Variants in ERC2 observed in about 807,000 individuals in gnomAD.
The protein encoded by ERC2 is ERC protein 2.
ERC2 carries 42 observed loss-of-function variants against 114.8 expected under a neutral mutation model. The observed-to-expected ratio is 0.37, with a 90% CI of 0.29 to 0.47. ERC2 has a LOEUF of 0.47. ERC2 is among the 20% of genes least tolerant of loss of function. The pLI is 0.99. For missense variants in ERC2, 939 were observed against 1,150.7 expected, an observed-to-expected ratio of 0.82 and a Z score of 2.66; for synonymous variants, 454 against 425.5, an observed-to-expected ratio of 1.07 and a Z score of -0.82.
chr3:55,908,218 G>A (rs1406369358), intron 13 of ERC2, among the ~76,000 whole-genome samples: 9 of 152,160 alleles, frequency 5.9e-5, no homozygotes, highest in African/African-American at 1.9e-4. Flanking sequence ...GAATTTTCCT[G>A]AAAAAAATCT....
At chr3:56,390,107 G>GA (rs35209674) in intron 2 of ERC2, among the ~76,000 whole-genome samples, 14 of 150,888 alleles carry the variant, frequency 9.3e-5, no homozygotes, top group South Asian at 4.2e-4. Context: ...TTCTTACAAT[G>GA]AAAAAAAAAT....
intron 14 of ERC2, among the ~76,000 whole-genome samples, chr3:55,773,988 A>G (rs953339804): frequency 1.3e-5 from 2 of 152,144 alleles, no homozygotes; most frequent in East Asian, 1.9e-4. Context: ...CTGATGCCCA[A>G]AGTATTCTAA....
chr3:55,659,289 G>C (rs531887524), intron 17 of ERC2: 1 of 152,174 alleles, frequency 6.6e-6, no homozygotes. Context: ...TTATAAGCCC[G>C]TGTTGCCTCT....
At chr3:55,552,906 C>T (rs2055317366) in intron 17 of ERC2, among the ~76,000 whole-genome samples, 1 of 149,136 alleles carries the variant, frequency 6.7e-6, no homozygotes, top group Non-Finnish European at 1.5e-5. Context: ...TAGTTCTTTT[C>T]TTGAGTTGTT....
At chr3:56,287,916 C>G (rs1195560210) in intron 3 of ERC2, among the ~76,000 whole-genome samples, 3 of 152,206 alleles carry the variant, frequency 2.0e-5, no homozygotes, top group Non-Finnish European at 4.4e-5. Flanking sequence ...GTGACTGGCA[C>G]AGGCTGCCCT....
chr3:56,270,203 T>C (rs576867653), intron 3 of ERC2, among the ~76,000 whole-genome samples: 1 of 152,036 alleles, frequency 6.6e-6, no homozygotes, highest in African/African-American at 2.4e-5. Context: ...AACAAATCAT[T>C]CTAATTTTTA....
intron 3 of ERC2, among the ~76,000 whole-genome samples, chr3:56,231,822 CATCAGACCATTTCTCTCATAG>C (rs2050636964): frequency 6.6e-6 from 1 of 152,058 alleles, no homozygotes; most frequent in African/African-American, 2.4e-5. Flanking sequence ...AGTTACTGAG[CATCAGACCATTTCTCTCATAG>C]ATCCCCTAGA....
At chr3:56,296,642 T>C in intron 2 of ERC2, among the ~76,000 whole-genome samples, 1 of 152,162 alleles carries the variant, frequency 6.6e-6, no homozygotes, top group Non-Finnish European at 1.5e-5. Context: ...GCTTTCTGAA[T>C]GTCTTGAGAG....
chr3:56,275,462 A>C (rs2150307347), intron 3 of ERC2, among the ~76,000 whole-genome samples: 1 of 152,318 alleles, frequency 6.6e-6, no homozygotes, highest in Non-Finnish European at 1.5e-5. Flanking sequence ...ATTTTAACAG[A>C]GGTGGAACCT....
At chr3:55,632,127 G>A (rs1009175361) in intron 17 of ERC2, among the ~76,000 whole-genome samples, 1 of 152,214 alleles carries the variant, frequency 6.6e-6, no homozygotes, top group Non-Finnish European at 1.5e-5. Flanking sequence ...CCACTGGGCA[G>A]ATGAGCTGGA....
At chr3:56,328,909 G>A (rs1385870608) in intron 2 of ERC2, among the ~76,000 whole-genome samples, 1 of 152,198 alleles carries the variant, frequency 6.6e-6, no homozygotes, top group African/African-American at 2.4e-5. Flanking sequence ...AAAAGTACAG[G>A]AGCATCTGCT....
At chr3:56,311,456 G>A (rs185257775) in intron 2 of ERC2, among the ~76,000 whole-genome samples, 3,615 of 150,622 alleles carry the variant, frequency 0.024, 163 homozygotes, top group African/African-American at 0.083. Context: ...CCGCCACCAC[G>A]CCCAGCTAAT....
chr3:55,610,077 A>C (rs1360605356), intron 17 of ERC2, among the ~76,000 whole-genome samples: 2 of 151,762 alleles, frequency 1.3e-5, no homozygotes, highest in Admixed American at 6.6e-5. Context: ...AAAAAAAAAA[A>C]AAAAAAACAA....
At chr3:55,969,062 G>A (rs971016801) in intron 12 of ERC2, among the ~76,000 whole-genome samples, 10 of 151,958 alleles carry the variant, frequency 6.6e-5, no homozygotes, top group Non-Finnish European at 1.0e-4. Flanking sequence ...ACCCAGACTC[G>A]AATGATTAAA....
At chr3:56,076,605 T>C (rs921241886) in intron 7 of ERC2, among the ~76,000 whole-genome samples, 2 of 152,162 alleles carry the variant, frequency 1.3e-5, no homozygotes, top group African/African-American at 4.8e-5. Context: ...ACATGTGCAT[T>C]TTTGTCCCCT....
intron 17 of ERC2, among the ~76,000 whole-genome samples, chr3:55,531,815 T>A (rs1387631430): frequency 1.3e-5 from 2 of 152,174 alleles, no homozygotes; most frequent in Admixed American, 1.3e-4. Context: ...GACATAATCC[T>A]CCTCTTCTCT....
Position 56,281,669 on chromosome 3 carries a change from TAACA to T in ERC2, c.1074+14346_1074+14349del, listed in dbSNP as rs1195786243. ...TAGACATATGTTTCTACATGTAGAC[TAACA>T]TTTATTGTGCACCTACTAAGTGCCG... On this transcript the variant is annotated intron_variant, in intron 3 of 17. Transcript: ENST00000288221. Among the ~76,000 whole-genome samples, 8 of 152,284 alleles carry T rather than the reference TAACA, an allele frequency of 5.3e-5. No individual in the cohort carries two copies. In the East Asian group the frequency reaches 1.5e-3, roughly 29 times the overall value.
intron 7 of ERC2, among the ~76,000 whole-genome samples, chr3:56,053,664 A>C (rs913588545): frequency 6.6e-6 from 1 of 152,170 alleles, no homozygotes; most frequent in Admixed American, 6.5e-5. Flanking sequence ...CCTTATCTAC[A>C]AAAATGGGCA....
intron 17 of ERC2, among the ~76,000 whole-genome samples, chr3:55,571,958 T>C (rs1425496453): frequency 6.6e-6 from 1 of 152,234 alleles, no homozygotes; most frequent in East Asian, 1.9e-4. Flanking sequence ...CAAGATAATG[T>C]GAACACCAGG....
Sources: gnomAD v4.1 joint callset for allele counts (sites outside exome capture counted in the v4.1 genomes callset) on GRCh38, gnomAD v4.1.1 for gene constraint, MANE v1.5 for transcripts, NCBI Gene and HGNC (gene_info 2026-07-23, HGNC 2026-07-21) for gene names.